ZNF438: variants seen among roughly 807,000 people sequenced by gnomAD.
The protein encoded by ZNF438 is zinc finger protein 438.
Under a neutral mutation model 38.0 loss-of-function variants are expected in ZNF438, and 25 were observed. That is an observed-to-expected ratio of 0.66 (90% confidence interval 0.48 to 0.92). The LOEUF (loss-of-function observed/expected upper bound fraction) is 0.92. ZNF438 is among the 40% of genes least tolerant of loss of function. ZNF438 has a pLI of 0.00. For missense variants in ZNF438, 1,007 were observed against 999.6 expected, an observed-to-expected ratio of 1.01 and a Z score of -0.10; for synonymous variants, 372 against 364.1, an observed-to-expected ratio of 1.02 and a Z score of -0.25.
At chr10:31,009,538 T>C (rs946825609) in intron 1 of ZNF438, among the ~76,000 whole-genome samples, 5 of 152,202 alleles carry the variant, frequency 3.3e-5, no homozygotes, top group Admixed American at 6.5e-5. Context: ...ATATGTGAGG[T>C]GCTGCACTAC....
chr10:30,919,516 C>G (rs975472832), intron 2 of ZNF438: 1 of 152,196 alleles, frequency 6.6e-6, no homozygotes, highest in African/African-American at 2.4e-5. Context: ...TACTTCCCTT[C>G]GTCAGTAAGA....
rs141097973 is a variant in ZNF438, at chr10:30,881,380, T to C, written c.-31-4315A>G. Reference sequence around the variant, plus strand: ...CAATAAATCAGAAATTGAGACACCATTTATAACAGCATAAAAATGAAATAA... The same window carrying C: ...CAATAAATCAGAAATTGAGACACCACTTATAACAGCATAAAAATGAAATAA... On this transcript the variant is annotated intron_variant, in intron 3 of 5. Coordinates refer to ENST00000413025, the Ensembl canonical transcript of ZNF438. Among the ~76,000 whole-genome samples, 256 of 152,202 alleles carry C rather than the reference T, an allele frequency of 1.7e-3. 2 individuals carry two copies. Among genetic ancestry groups the C allele is most frequent in the African/African-American group, 5.8e-3 (243 of 41,560 alleles).
chr10:30,882,034 A>G (rs1269080554), intron 3 of ZNF438, among the ~76,000 whole-genome samples: 1 of 152,192 alleles, frequency 6.6e-6, no homozygotes, highest in Non-Finnish European at 1.5e-5. Context: ...CATCTGAAAC[A>G]TAATCCATAA....
chr10:30,898,031 G>A (rs2041561149), intron 3 of ZNF438, among the ~76,000 whole-genome samples: 1 of 152,166 alleles, frequency 6.6e-6, no homozygotes, highest in Admixed American at 6.5e-5. Context: ...ATTGGTTGCT[G>A]CTGTAAATTC....
At chr10:30,861,348 G>A (rs1482056933) in intron 4 of ZNF438, among the ~76,000 whole-genome samples, 1 of 152,160 alleles carries the variant, frequency 6.6e-6, no homozygotes, top group Admixed American at 6.5e-5. Context: ...TATAGATGCA[G>A]TTCGAAATTT....
intron 2 of ZNF438, among the ~76,000 whole-genome samples, chr10:30,916,960 T>C (rs1220094588): frequency 2.0e-5 from 3 of 152,062 alleles, no homozygotes; most frequent in East Asian, 1.9e-4. Context: ...AAAAAGTACT[T>C]CCTTGTGATT....
intron 1 of ZNF438, among the ~76,000 whole-genome samples, chr10:30,951,234 T>C (rs1033372352): frequency 5.9e-5 from 9 of 151,404 alleles, no homozygotes; most frequent in African/African-American, 2.2e-4. Flanking sequence ...AATTAGGTAT[T>C]GATGGAACGT....
At chr10:30,857,796 C>T (rs1017916575) in intron 4 of ZNF438, 1 of 1,391,738 alleles carries the variant, frequency 7.2e-7, no homozygotes, top group South Asian at 1.8e-5. Context: ...ATATCATTTA[C>T]ATGTTAAAGG....
At chr10:30,901,977 G>C (rs2042049479) in intron 3 of ZNF438, among the ~76,000 whole-genome samples, 1 of 152,042 alleles carries the variant, frequency 6.6e-6, no homozygotes, top group Non-Finnish European at 1.5e-5. Context: ...CTCCTGGTGG[G>C]TTCGTGATCT....
At chr10:30,850,209 G>A in exon 5 of ZNF438, 1 of 1,614,110 alleles carries the variant, frequency 6.2e-7, no homozygotes, top group East Asian at 2.2e-5. Context: ...TTGATGGAGG[G>A]TCCCAGATTC....
chr10:30,866,478 T>G (rs990249335), intron 4 of ZNF438, among the ~76,000 whole-genome samples: 2 of 152,196 alleles, frequency 1.3e-5, no homozygotes, highest in African/African-American at 4.8e-5. Context: ...AATTGGAATT[T>G]TGGAAAATTT....
At chr10:30,886,523 A>T (rs2039971039) in intron 3 of ZNF438, among the ~76,000 whole-genome samples, 1 of 152,186 alleles carries the variant, frequency 6.6e-6, no homozygotes, top group Non-Finnish European at 1.5e-5. Context: ...CACCTAACCT[A>T]CCAAACGTCG....
chr10:31,013,415 C>T (rs2133129584), intron 1 of ZNF438, among the ~76,000 whole-genome samples: 1 of 152,308 alleles, frequency 6.6e-6, no homozygotes, highest in South Asian at 2.1e-4. Flanking sequence ...TCAATCCTCT[C>T]TCAGGCTCTC....
intron 2 of ZNF438, among the ~76,000 whole-genome samples, chr10:30,929,149 T>C (rs2045318138): frequency 6.6e-6 from 1 of 152,186 alleles, no homozygotes; most frequent in Non-Finnish European, 1.5e-5. Context: ...TCCCAGCACT[T>C]TGGGAGGCCA....
At position 30,848,590 on chromosome 10, in the gene ZNF438, T is replaced by C. The variant is rs774319112; in HGVS notation, c.1815A>G (p.Pro605=). The C allele has an allele frequency of 2.5e-6, 4 of 1,613,896 alleles. No homozygotes were observed. The Admixed American group carries it at 6.7e-5, about 27-fold the overall frequency. ...TGTCTCTGTTCTTTGGTATGTCTCC[T>C]GGCTGCAGTTCACTGGGCGCAGGCT... Residue 605 remains proline (P), a synonymous_variant, in exon 5 of 6, where the codon CCA becomes CCG. Coordinates refer to ENST00000413025, the Ensembl canonical transcript of ZNF438.
At chr10:30,948,918 C>G (rs1309945479) in intron 1 of ZNF438, among the ~76,000 whole-genome samples, 1 of 151,986 alleles carries the variant, frequency 6.6e-6, no homozygotes. Flanking sequence ...AGATACTCCT[C>G]AAGAAGAGCA....
At chr10:30,982,218 C>T (rs2052280448) in intron 1 of ZNF438, among the ~76,000 whole-genome samples, 2 of 151,860 alleles carry the variant, frequency 1.3e-5, no homozygotes, top group Admixed American at 1.3e-4. Context: ...TCTCCTGCCT[C>T]AGCCTCCTGA....
chr10:30,892,515 C>T (rs1015271503), intron 3 of ZNF438, among the ~76,000 whole-genome samples: 2 of 151,614 alleles, frequency 1.3e-5, no homozygotes, highest in African/African-American at 4.8e-5. Context: ...ACTTACATTG[C>T]TACAGTCTTC....
intron 1 of ZNF438, 125 bp downstream of exon 2, chr10:30,984,244 T>C (rs1237315178): frequency 6.6e-6 from 1 of 152,184 alleles, no homozygotes; most frequent in Non-Finnish European, 1.5e-5. Flanking sequence ...ACAAATGTTA[T>C]ACTGAAGAGA....
Sources: allele counts gnomAD v4.1 joint callset (sites outside exome capture counted in the v4.1 genomes callset), GRCh38; gene constraint gnomAD v4.1.1; transcripts MANE v1.5; gene names NCBI Gene and HGNC (gene_info 2026-07-23, HGNC 2026-07-21).